RIBC2: variants seen among roughly 807,000 people sequenced by gnomAD.
RIBC2 encodes the protein RIB43A domain with coiled-coils 2, also known as RIB43A-like with coiled-coils protein 2.
Under a neutral mutation model 44.3 loss-of-function variants are expected in RIBC2, and 40 were observed. The ratio of observed to expected loss-of-function variants is 0.90; its 90% confidence interval spans 0.70 to 1.18. The LOEUF (loss-of-function observed/expected upper bound fraction) is 1.18. Among genes scored for constraint, RIBC2 ranks in the 50% most tolerant of loss-of-function variants. RIBC2 has a pLI of 0.00. For missense variants in RIBC2, 459 were observed against 485.5 expected (o/e 0.95, Z 0.51); for synonymous variants, 171 against 175.0 (o/e 0.98, Z 0.18).
At position 45,413,792 on chromosome 22, in the gene RIBC2, G is replaced by T. The variant is rs547651264; in HGVS notation, c.-95G>T. ...CTAAAGGCTTGTCTTTCCCCTGCCC[G>T]ACCGAAGGAGCCGACCTTGCCTGCG... On this transcript the variant is annotated 5_prime_UTR_variant, in exon 1 of 7. Transcript: ENST00000614167. 6.9e-7 allele frequency: 1 copy of T among 1,451,582 alleles called. No homozygotes were observed. Among genetic ancestry groups the T allele is most frequent in the South Asian group, 1.4e-5 (1 of 69,358 alleles). 89.9% of individuals were successfully genotyped at this position (1,451,582 alleles called of 1,614,324 possible).
At position 45,430,972 on chromosome 22, in the gene RIBC2, C is replaced by A; in HGVS notation, c.976C>A (p.Leu326Met). The change falls in exon 6 of 7, where the codon CTG becomes ATG. Residue 326 changes from leucine to methionine, a missense_variant. By Grantham distance (15) the Leu-to-Met change is conservative. Transcript: ENST00000614167. ...GAGGATTCAGGGGGCTCGCGCCACC[C>A]TGCTGTTTGAGCGGCAGCAGTGGCG... ...RRRIQGARAT[L>M]LFERQQWRRQ... is the part of the protein sequence containing the mutation. The A allele has an allele frequency of 6.2e-7, 1 of 1,608,218 alleles. No individual in the cohort carries two copies. Among genetic ancestry groups the A allele is most frequent in the East Asian group, 2.3e-5 (1 of 44,410 alleles).
At chr22:45,425,446 A>G (rs1248738071) in intron 4 of RIBC2, among the ~76,000 whole-genome samples, 1 of 152,202 alleles carries the variant, frequency 6.6e-6, no homozygotes, top group African/African-American at 2.4e-5. Context: ...ATAGCCAGGG[A>G]ACCCCCAGGG....
chr22:45,423,455 T>C (rs1459660527), intron 4 of RIBC2, among the ~76,000 whole-genome samples: 1 of 152,230 alleles, frequency 6.6e-6, no homozygotes, highest in African/African-American at 2.4e-5. Flanking sequence ...GGAGAGCAGA[T>C]ACCAGAGCCC....
At chr22:45,414,945 G>A (rs2087406164) in intron 2 of RIBC2, among the ~76,000 whole-genome samples, 2 of 151,922 alleles carry the variant, frequency 1.3e-5, no homozygotes, top group South Asian at 4.2e-4. Flanking sequence ...ACATATGTCC[G>A]GGCTCACACC....
chr22:45,414,061 C>T lies in RIBC2; in HGVS notation c.129+46C>T, dbSNP rs1240980960. On this transcript the variant is annotated intron_variant, in intron 1 of 6. Coordinates refer to ENST00000614167, the MANE Select transcript of RIBC2 (RefSeq NM_015653.5). ...ACGGGGTTAGAGCGGCAGATGCGGG[C>T]GAGGGGCTGCGTGGAGGGGGAAAGG... The T allele has an allele frequency of 8.4e-6, 13 of 1,544,852 alleles. 1 individual carries two copies. Among genetic ancestry groups the T allele is most frequent in the Non-Finnish European group, 1.1e-5 (13 of 1,142,164 alleles).
At chr22:45,428,372 G>A (rs1405657818) in intron 5 of RIBC2, among the ~76,000 whole-genome samples, 1 of 152,228 alleles carries the variant, frequency 6.6e-6, no homozygotes, top group Non-Finnish European at 1.5e-5. Context: ...TGAAGGGAAA[G>A]TTTTTGTTTG....
At chr22:45,414,647 C>G (rs548569693) in intron 2 of RIBC2, among the ~76,000 whole-genome samples, 62 of 152,124 alleles carry the variant, frequency 4.1e-4, no homozygotes, top group Middle Eastern at 3.4e-3. Flanking sequence ...GCCCTCCTTT[C>G]TTCACATATA....
chr22:45,430,430 T>C (rs2087568652), intron 5 of RIBC2, among the ~76,000 whole-genome samples: 1 of 152,182 alleles, frequency 6.6e-6, no homozygotes, highest in Non-Finnish European at 1.5e-5. Flanking sequence ...ATAACCTTCC[T>C]GTCACCGGGT....
chr22:45,429,557 G>C (rs2087561290), intron 5 of RIBC2, among the ~76,000 whole-genome samples: 1 of 152,110 alleles, frequency 6.6e-6, no homozygotes, highest in Non-Finnish European at 1.5e-5. Context: ...GGGTGGGGCA[G>C]CTCGTCCACC....
intron 4 of RIBC2, among the ~76,000 whole-genome samples, chr22:45,423,920 A>T (rs2087509574): frequency 6.6e-6 from 1 of 152,178 alleles, no homozygotes; most frequent in South Asian, 2.1e-4. Flanking sequence ...CTGCTCATTC[A>T]TTTATGGAAG....
chr22:45,418,013 T>G, intron 3 of RIBC2, 67 bp downstream of exon 3: 1 of 1,221,384 alleles, frequency 8.2e-7, no homozygotes, highest in Non-Finnish European at 1.1e-6. Flanking sequence ...ACAGTTTTTT[T>G]TTTTTTTTAA....
At position 45,431,190 on chromosome 22, in the gene RIBC2, C is replaced by T. The variant is rs948344649; in HGVS notation, c.1070+124C>T. The T allele has an allele frequency of 1.5e-5, 17 of 1,137,090 alleles. No homozygotes were observed. In the African/African-American group the frequency reaches 2.3e-4, roughly 16 times the overall value. 70.4% of individuals were successfully genotyped at this position (1,137,090 alleles called of 1,614,324 possible). ...CCCGCCCTGGTGGTCCTCATCTGGA[C>T]ACTGTGGACCTCAAGTGGGCTGGCT... is the stretch of plus-strand genomic sequence containing the variant. On this transcript the variant is annotated intron_variant, in intron 6 of 6. Coordinates refer to ENST00000614167, the MANE Select transcript of RIBC2 (RefSeq NM_015653.5).
rs955107682 is a variant in RIBC2, at chr22:45,425,957, T to G, written c.685T>G (p.Ser229Ala). The change falls in exon 5 of 7, where the codon TCA (serine) becomes GCA (alanine). Residue 229 changes from serine to alanine, a missense_variant. Coordinates refer to ENST00000614167, the MANE Select transcript of RIBC2 (RefSeq NM_015653.5). ...KDFNKSQAIE[S>A]VERKKQEKKQ... The stretch of plus-strand genomic sequence containing the variant: ...GTCTTCACCTGCTTAGGCCATCGAG[T>G]CAGTGGAAAGGAAAAAGCAAGAGAA... 7 of 1,612,950 alleles carry G rather than the reference T, an allele frequency of 4.3e-6. No homozygotes were observed. Among genetic ancestry groups the G allele is most frequent in the Non-Finnish European group, 5.9e-6 (7 of 1,179,664 alleles).
Position 45,429,465 on chromosome 22 carries a change from A to G in RIBC2, c.904-1435A>G, listed in dbSNP as rs577231508. Among the ~76,000 whole-genome samples the G allele has an allele frequency of 2.6e-5, 4 of 152,172 alleles. No individual in the cohort carries two copies. The South Asian group carries it at 8.3e-4, about 32-fold the overall frequency. On this transcript the variant is annotated intron_variant, in intron 5 of 6. Coordinates refer to ENST00000614167, the MANE Select transcript of RIBC2 (RefSeq NM_015653.5). ...AGGCCAGGCTGGGGTGGCAGGTGCC[A>G]TAGTTGGTGTAAGCTTCTGATCTGG...
chr22:45,413,958 G>C lies in RIBC2; in HGVS notation c.72G>C (p.Arg24Ser). Residue 24 changes from arginine to serine, a missense_variant, in exon 1 of 7, where the codon AGG becomes AGC. By Grantham distance (110) the Arg-to-Ser change is moderately radical (BLOSUM62 -1). Transcript: ENST00000614167. Reference protein sequence around the residue: ...LRQDANLAKRRHAELCRQKRV... With the variant: ...LRQDANLAKRSHAELCRQKRV... ...AGGACGCCAACCTGGCAAAGAGGAG[G>C]CACGCGGAGCTGTGCAGGCAGAAGC... The C allele has an allele frequency of 6.4e-7, 1 of 1,551,732 alleles. No homozygotes were observed. Among genetic ancestry groups the C allele is most frequent in the Non-Finnish European group, 8.7e-7 (1 of 1,146,998 alleles).
In RIBC2 at chr22:45,430,930, C is replaced by G. The variant is rs1387885980; in HGVS notation, c.934C>G (p.Leu312Val). The G allele has an allele frequency of 1.9e-6, 3 of 1,607,558 alleles. No individual in the cohort carries two copies. The highest frequency in any genetic ancestry group is 2.5e-6 in the Non-Finnish European group (3 of 1,176,704). The part of the protein sequence containing the change: ...RLQEEKRQRD[L>V]DWDRRRIQGA... ...CCAGGAAGAAAAGCGCCAGCGAGAC[C>G]TGGACTGGGACCGGCGGAGGATTCA... Residue 312 changes from leucine (L) to valine (V), a missense_variant, in exon 6 of 7, where the codon CTG becomes GTG. Coordinates refer to ENST00000614167, the MANE Select transcript of RIBC2 (RefSeq NM_015653.5).
Position 45,417,966 on chromosome 22 carries a change from G to A in RIBC2, c.556+20G>A, listed in dbSNP as rs770646038. Reference sequence around the variant, plus strand: ...GCGCAGGTAATGAAACAGAAGAGACGAGCTGGTCTCAACGCTCTCTTCAAC... The same window carrying A: ...GCGCAGGTAATGAAACAGAAGAGACAAGCTGGTCTCAACGCTCTCTTCAAC... On this transcript the variant is annotated intron_variant, in intron 3 of 6. Coordinates refer to ENST00000614167, the MANE Select transcript of RIBC2 (RefSeq NM_015653.5). 5.7e-5 allele frequency: 86 copies of A among 1,497,714 alleles called. No homozygotes were observed. The highest frequency in any genetic ancestry group is 7.1e-5 in the African/African-American group (5 of 70,790). 92.8% of individuals were successfully genotyped at this position (1,497,714 alleles called of 1,614,324 possible). A position where few individuals can be genotyped will look rare whatever the true frequency, so the allele number is the denominator to read the frequency against.
At position 45,422,340 on chromosome 22, in the gene RIBC2, C is replaced by T. The variant is rs2087494054; in HGVS notation, c.607C>T (p.Leu203Phe). The T allele has an allele frequency of 1.9e-6, 3 of 1,614,088 alleles. No individual in the cohort carries two copies. The highest frequency in any genetic ancestry group is 1.7e-6 in the Non-Finnish European group (2 of 1,180,032). Reference sequence around the variant, plus strand: ...GCAGTTTGACGAGACAGCCAAGCACCTCCAGAAGCTGGAAAGCACCACCAG... The same window carrying T: ...GCAGTTTGACGAGACAGCCAAGCACTTCCAGAAGCTGGAAAGCACCACCAG... The part of the protein sequence containing the change: ...RLQFDETAKH[L>F]QKLESTTRKA... The change falls in exon 4 of 7, where the codon CTC becomes TTC. Residue 203 changes from leucine (L) to phenylalanine (F), a missense_variant. Coordinates refer to ENST00000614167, the MANE Select transcript of RIBC2 (RefSeq NM_015653.5).
intron 2 of RIBC2, among the ~76,000 whole-genome samples, chr22:45,415,947 G>A (rs1392946370): frequency 2.0e-5 from 3 of 152,082 alleles, no homozygotes; most frequent in East Asian, 3.9e-4. Context: ...TGATCTTCCC[G>A]CCTCTGCCTC....
Sources: allele counts gnomAD v4.1 joint callset (sites outside exome capture counted in the v4.1 genomes callset), GRCh38; gene constraint gnomAD v4.1.1; transcripts MANE v1.5; gene names NCBI Gene and HGNC (gene_info 2026-07-23, HGNC 2026-07-21).